EPHA7: variants seen among roughly 807,000 people sequenced by gnomAD.
EPHA7 encodes the protein ephrin type-A receptor 7.
Under a neutral mutation model 112.6 loss-of-function variants are expected in EPHA7, and 25 were observed. The observed-to-expected ratio is 0.22, with a 90% CI of 0.16 to 0.31. The LOEUF (loss-of-function observed/expected upper bound fraction) is 0.31, where lower values mean the gene tolerates loss of function less well. EPHA7 is among the 10% of genes least tolerant of loss of function. The probability of loss-of-function intolerance (pLI) is 1.00; values close to 1 mark genes in which losing one functional copy is unlikely to be tolerated. For synonymous variants in EPHA7, 437 were observed against 406.5 expected, an observed-to-expected ratio of 1.07 and a Z score of -0.90; for missense variants, 962 against 1,212.6, an observed-to-expected ratio of 0.79 and a Z score of 3.07.
chr6:93,269,724 T>A (rs1488147084), intron 6 of EPHA7, 64 bp from the exon 7 acceptor site: 1 of 1,300,536 alleles, frequency 7.7e-7, no homozygotes, highest in African/African-American at 1.5e-5. Context: ...GACAGCCAAC[T>A]GTTTCAATTT....
chr6:93,262,290 T>G (rs2127865008), intron 9 of EPHA7, among the ~76,000 whole-genome samples: 1 of 151,588 alleles, frequency 6.6e-6, no homozygotes, highest in Non-Finnish European at 1.5e-5. Context: ...CTACCTATGG[T>G]TCTCTCTTCA....
chr6:93,364,555 A>G (rs1776414727), intron 3 of EPHA7, among the ~76,000 whole-genome samples: 1 of 151,350 alleles, frequency 6.6e-6, no homozygotes, highest in Non-Finnish European at 1.5e-5. Flanking sequence ...AAAAAAAAAA[A>G]TTCATCAGTA....
At position 93,386,535 on chromosome 6, in the gene EPHA7, T is replaced by C. The variant is rs554982688; in HGVS notation, c.832+23966A>G. On this transcript the variant is annotated intron_variant, in intron 3 of 16. Coordinates refer to ENST00000369303, the MANE Select transcript of EPHA7 (RefSeq NM_004440.4). ...CCTGTGGCTTTTCCAGGTGCACGTG[T>C]AAGCTGTTCATGGATATTCCATTCT... is the stretch of plus-strand genomic sequence containing the variant. Among the ~76,000 whole-genome samples the C allele has an allele frequency of 2.0e-5, 3 of 152,258 alleles. No homozygotes were observed. The East Asian group carries it at 5.8e-4, about 30-fold the overall frequency.
chr6:93,347,903 G>A (rs1272406237), intron 5 of EPHA7, among the ~76,000 whole-genome samples: 1 of 151,800 alleles, frequency 6.6e-6, no homozygotes, highest in East Asian at 1.9e-4. Context: ...TCCCAAGTAT[G>A]TAAACATCAT....
intron 6 of EPHA7, among the ~76,000 whole-genome samples, chr6:93,272,025 A>G (rs1771246056): frequency 6.6e-6 from 1 of 151,900 alleles, no homozygotes; most frequent in African/African-American, 2.4e-5. Context: ...ACATCTAATT[A>G]CTACAATATC....
At chr6:93,244,240 C>T (rs1279509483) in intron 16 of EPHA7, among the ~76,000 whole-genome samples, 4 of 152,040 alleles carry the variant, frequency 2.6e-5, no homozygotes, top group African/African-American at 9.7e-5. Flanking sequence ...TTTTTCATGG[C>T]AGTGACTGAG....
chr6:93,243,653 T>G (rs1769780412), intron 16 of EPHA7, 113 bp from the exon 17 acceptor site: 2 of 711,516 alleles, frequency 2.8e-6, no homozygotes, highest in Non-Finnish European at 5.0e-6. Flanking sequence ...AGATCTTATC[T>G]TAGTGTTCTT....
At chr6:93,412,639 A>G (rs1779032831) in intron 2 of EPHA7, among the ~76,000 whole-genome samples, 1 of 152,104 alleles carries the variant, frequency 6.6e-6, no homozygotes, top group Non-Finnish European at 1.5e-5. Flanking sequence ...CTACAATCTG[A>G]ATGGCAATCA....
At chr6:93,336,591 C>T (rs541460217) in intron 5 of EPHA7, among the ~76,000 whole-genome samples, 25 of 152,048 alleles carry the variant, frequency 1.6e-4, no homozygotes, top group South Asian at 1.0e-3. Context: ...TTAGTAGAGA[C>T]GGGGTTTCAC....
intron 5 of EPHA7, among the ~76,000 whole-genome samples, chr6:93,346,751 C>T (rs1190118147): frequency 6.6e-6 from 1 of 151,730 alleles, no homozygotes; most frequent in Non-Finnish European, 1.5e-5. Context: ...CAGTTAGTCA[C>T]ATTTTACTTA....
Position 93,245,552 on chromosome 6 carries a change from ATGTTT to A in EPHA7, c.2727-104_2727-100del, listed in dbSNP as rs1173644309. The A allele has an allele frequency of 5.9e-5, 72 of 1,217,970 alleles. 1 individual carries two copies. The South Asian group carries it at 9.7e-4, about 16-fold the overall frequency. The allele number at this position is 1,217,970 out of a possible 1,614,324, so 75.4% of individuals were successfully genotyped here. A position where few individuals can be genotyped will look rare whatever the true frequency, so the allele number is the denominator to read the frequency against. On this transcript the variant is annotated intron_variant, in intron 15 of 16. Coordinates refer to ENST00000369303, the MANE Select transcript of EPHA7 (RefSeq NM_004440.4). ...ATTAAGGTATAAAGAACAAAATTAG[ATGTTT>A]TAATTGGTGTACATAATAAAAAATA...
chr6:93,318,244 C>T (rs977922516), intron 5 of EPHA7, among the ~76,000 whole-genome samples: 7 of 152,002 alleles, frequency 4.6e-5, no homozygotes, highest in Admixed American at 4.6e-4. Context: ...TTATTTTGCC[C>T]ACAAATTCTA....
intron 5 of EPHA7, among the ~76,000 whole-genome samples, chr6:93,314,951 C>T (rs1189288140): frequency 5.5e-5 from 8 of 145,718 alleles, no homozygotes; most frequent in Admixed American, 1.4e-4. Context: ...CAAGCTCCGC[C>T]TCCCGGGTTC....
chr6:93,249,134 T>A (rs477307), intron 14 of EPHA7, among the ~76,000 whole-genome samples: 98,075 of 151,708 alleles, frequency 0.65, 32,744 homozygotes, highest in South Asian at 0.83. Context: ...GAACTTAAAA[T>A]TTTCCTTTTA....
At chr6:93,263,369 G>GAATCTTATT (rs1310739190) in intron 9 of EPHA7, among the ~76,000 whole-genome samples, 22 of 151,332 alleles carry the variant, frequency 1.5e-4, no homozygotes, top group Non-Finnish European at 3.0e-4. Flanking sequence ...TCAGAAGTAT[G>GAATCTTATT]AATCTTATTA....
intron 14 of EPHA7, among the ~76,000 whole-genome samples, chr6:93,252,717 T>C (rs947973946): frequency 3.3e-5 from 5 of 151,968 alleles, no homozygotes; most frequent in African/African-American, 1.2e-4. Context: ...GAATATCAAT[T>C]TCACTGTACA....
chr6:93,324,842 A>C (rs1354755903), intron 5 of EPHA7, among the ~76,000 whole-genome samples: 3 of 151,506 alleles, frequency 2.0e-5, no homozygotes, highest in Non-Finnish European at 4.4e-5. Flanking sequence ...AAGCTGAGTA[A>C]AATGTTTCTG....
At chr6:93,356,678 C>T (rs779397394) in intron 5 of EPHA7, 39 bp downstream of exon 5, 61 of 1,541,574 alleles carry the variant, frequency 4.0e-5, no homozygotes, top group Non-Finnish European at 5.3e-5. Flanking sequence ...CTTAGGTAGT[C>T]ACATTATTTC....
intron 5 of EPHA7, among the ~76,000 whole-genome samples, chr6:93,300,134 T>TA (rs1331452223): frequency 2.0e-5 from 3 of 152,026 alleles, no homozygotes; most frequent in African/African-American, 4.8e-5. Flanking sequence ...AAAGTTTTTT[T>TA]AAAAAAAGAT....
Sources: allele counts gnomAD v4.1 joint callset (sites outside exome capture counted in the v4.1 genomes callset), GRCh38; gene constraint gnomAD v4.1.1; transcripts MANE v1.5; gene names NCBI Gene and HGNC (gene_info 2026-07-23, HGNC 2026-07-21).